The following LRP1B variants were observed in gnomAD, a reference collection of about 807,000 sequenced individuals.
LRP1B encodes the protein low-density lipoprotein receptor-related protein 1B.
In LRP1B, 217 loss-of-function variants were observed where a neutral mutation model predicts 556.6. That is an observed-to-expected ratio of 0.39 (90% CI 0.35 to 0.44). The LOEUF (loss-of-function observed/expected upper bound fraction) is 0.44, where lower values mean the gene tolerates loss of function less well. Among genes scored for constraint, LRP1B ranks in the 20% least tolerant of loss-of-function variants. LRP1B has a pLI of 1.00. For missense variants in LRP1B, 5,053 were observed against 5,620.8 expected, an observed-to-expected ratio of 0.90 and a Z score of 3.23; for synonymous variants, 2,047 against 1,865.8, an observed-to-expected ratio of 1.10 and a Z score of -2.50.
chr2:141,264,532 T>G (rs1684816382), intron 3 of LRP1B, among the ~76,000 whole-genome samples: 1 of 152,110 alleles, frequency 6.6e-6, no homozygotes, highest in African/African-American at 2.4e-5. Context: ...CTCCCCTCAC[T>G]GCAACCTTGT....
At chr2:141,317,811 G>A (rs1202909502) in intron 3 of LRP1B, among the ~76,000 whole-genome samples, 1 of 152,124 alleles carries the variant, frequency 6.6e-6, no homozygotes, top group African/African-American at 2.4e-5. Flanking sequence ...GGAAGATCAA[G>A]AGTGAAAAAT....
At chr2:140,867,871 C>T in intron 26 of LRP1B, 37 bp from the exon 27 acceptor site, 4 of 1,490,016 alleles carry the variant, frequency 2.7e-6, no homozygotes, top group Non-Finnish European at 3.6e-6. Context: ...TTTGTCAAAA[C>T]TCATTCAACT....
chr2:140,294,679 G>T (rs1029653379), intron 84 of LRP1B, among the ~76,000 whole-genome samples: 1 of 152,124 alleles, frequency 6.6e-6, no homozygotes, highest in African/African-American at 2.4e-5. Context: ...AGTAATAGGG[G>T]TCTCCATTAA....
At chr2:140,470,666 A>T (rs890695956) in intron 60 of LRP1B, among the ~76,000 whole-genome samples, 1 of 151,134 alleles carries the variant, frequency 6.6e-6, no homozygotes, top group Admixed American at 6.6e-5. Context: ...AAAAAAAAAA[A>T]AAAAAAATGG....
intron 59 of LRP1B, among the ~76,000 whole-genome samples, chr2:140,479,417 A>T (rs184055859): frequency 6.6e-6 from 1 of 152,292 alleles, no homozygotes; most frequent in Non-Finnish European, 1.5e-5. Context: ...CCCCAATCTC[A>T]TATGTAAAAT....
chr2:141,166,172 A>T (rs1680244574), intron 7 of LRP1B, among the ~76,000 whole-genome samples: 1 of 151,880 alleles, frequency 6.6e-6, no homozygotes, highest in South Asian at 2.1e-4. Context: ...GTTTAACCCA[A>T]CCATACCAAT....
intron 1 of LRP1B, among the ~76,000 whole-genome samples, chr2:142,027,225 A>T (rs935539216): frequency 6.6e-6 from 1 of 151,896 alleles, no homozygotes; most frequent in Non-Finnish European, 1.5e-5. Flanking sequence ...TCCCCAAATT[A>T]AAAAAACAAA....
chr2:141,407,337 C>G (rs1424939042), intron 3 of LRP1B, among the ~76,000 whole-genome samples: 1 of 151,876 alleles, frequency 6.6e-6, no homozygotes, highest in African/African-American at 2.4e-5. Flanking sequence ...ACATGTGATC[C>G]TCATAGTAAA....
chr2:140,870,661 T>C (rs1693100348), intron 25 of LRP1B, among the ~76,000 whole-genome samples: 1 of 152,166 alleles, frequency 6.6e-6, no homozygotes, highest in South Asian at 2.1e-4. Flanking sequence ...CAATATTTTG[T>C]TGATAAATGG....
intron 60 of LRP1B, among the ~76,000 whole-genome samples, chr2:140,468,661 G>A (rs548608415): frequency 2.6e-5 from 4 of 152,308 alleles, no homozygotes; most frequent in East Asian, 1.9e-4. Flanking sequence ...GGGCCCAATC[G>A]CCACACCAGT....
At chr2:140,967,681 A>G (rs9753487) in intron 18 of LRP1B, among the ~76,000 whole-genome samples, 127,548 of 150,894 alleles carry the variant, frequency 0.85, 54,460 homozygotes, top group Non-Finnish European at 0.9. Context: ...TGGGTTTGTC[A>G]TAAATAGCTC....
chr2:140,660,579 A>G (rs1486728611), intron 41 of LRP1B, among the ~76,000 whole-genome samples: 1 of 152,108 alleles, frequency 6.6e-6, no homozygotes, highest in Non-Finnish European at 1.5e-5. Flanking sequence ...TCTGATCTGG[A>G]CCAGGACTTT....
At chr2:141,308,145 A>G (rs1431769520) in intron 3 of LRP1B, among the ~76,000 whole-genome samples, 4 of 152,186 alleles carry the variant, frequency 2.6e-5, no homozygotes, top group Non-Finnish European at 4.4e-5. Context: ...GAATCAGTAT[A>G]TAACCCCACC....
chr2:141,369,466 A>T (rs1185402152), intron 3 of LRP1B, among the ~76,000 whole-genome samples: 1 of 152,202 alleles, frequency 6.6e-6, no homozygotes, highest in Non-Finnish European at 1.5e-5. Flanking sequence ...GTTGAAGCCA[A>T]TGTCAACATT....
At chr2:140,694,173 T>C (rs1686345035) in intron 41 of LRP1B, among the ~76,000 whole-genome samples, 1 of 152,226 alleles carries the variant, frequency 6.6e-6, no homozygotes, top group African/African-American at 2.4e-5. Context: ...CATATATACT[T>C]AGCTACAGTG....
intron 31 of LRP1B, among the ~76,000 whole-genome samples, chr2:140,821,667 A>G (rs923746148): frequency 2.0e-5 from 3 of 152,214 alleles, no homozygotes; most frequent in Non-Finnish European, 4.4e-5. Context: ...AGTAATAGAA[A>G]ATGCCTGGTA....
chr2:140,429,144 G>A (rs935315069), intron 66 of LRP1B, among the ~76,000 whole-genome samples: 1 of 151,446 alleles, frequency 6.6e-6, no homozygotes, highest in Non-Finnish European at 1.5e-5. Context: ...CCTGCAGCAC[G>A]CTTTAAAAAG....
intron 66 of LRP1B, among the ~76,000 whole-genome samples, chr2:140,399,415 T>C (rs987363076): frequency 6.6e-5 from 10 of 152,166 alleles, no homozygotes; most frequent in Non-Finnish European, 1.2e-4. Context: ...TTTAATTATT[T>C]CTTTTGTTTT....
chr2:141,694,529 G>T (rs1465912849), intron 2 of LRP1B, among the ~76,000 whole-genome samples: 1 of 150,948 alleles, frequency 6.6e-6, no homozygotes, highest in Non-Finnish European at 1.5e-5. Flanking sequence ...TGGCTAGTTA[G>T]TGATTGATTC....
Sources: gnomAD v4.1 joint callset for allele counts (sites outside exome capture counted in the v4.1 genomes callset) on GRCh38, gnomAD v4.1.1 for gene constraint, MANE v1.5 for transcripts, NCBI Gene and HGNC (gene_info 2026-07-23, HGNC 2026-07-21) for gene names.